CCDC141: variants seen among roughly 807,000 people sequenced by gnomAD.
The protein encoded by CCDC141 is coiled-coil domain-containing protein 141.
Under a neutral mutation model 181.0 loss-of-function variants are expected in CCDC141, and 168 were observed. The ratio of observed to expected loss-of-function variants is 0.93; its 90% CI spans 0.82 to 1.05. The LOEUF is 1.05. Among genes scored for constraint, CCDC141 ranks in the 50% least tolerant of loss-of-function variants. The pLI is 0.00. For missense variants in CCDC141, 1,902 were observed against 1,788.5 expected (o/e 1.06, Z -1.14); for synonymous variants, 666 against 642.3 (o/e 1.04, Z -0.56).
At chr2:179,030,444 A>G (rs1263564377) in intron 2 of CCDC141, among the ~76,000 whole-genome samples, 1 of 152,074 alleles carries the variant, frequency 6.6e-6, no homozygotes, top group Non-Finnish European at 1.5e-5. Flanking sequence ...ACCATAAAAA[A>G]TCCACTGAGC....
chr2:179,021,813 T>G (rs1470310424), intron 2 of CCDC141, among the ~76,000 whole-genome samples: 3 of 152,240 alleles, frequency 2.0e-5, no homozygotes, highest in Non-Finnish European at 4.4e-5. Flanking sequence ...AAATGCCAGC[T>G]ACAACTTAGT....
At chr2:178,923,168 G>A (rs1304184440) in intron 6 of CCDC141, among the ~76,000 whole-genome samples, 2 of 148,378 alleles carry the variant, frequency 1.3e-5, no homozygotes, top group African/African-American at 5.0e-5. Context: ...GCAGTGGCGG[G>A]ATCTCGGCTC....
chr2:178,983,523 C>T (rs571717929), intron 2 of CCDC141, among the ~76,000 whole-genome samples: 161 of 148,292 alleles, frequency 1.1e-3, no homozygotes, highest in African/African-American at 2.7e-3. Flanking sequence ...TTCTGAGCTA[C>T]GGGAGGACAT....
intron 7 of CCDC141, among the ~76,000 whole-genome samples, chr2:178,911,189 C>A (rs981241249): frequency 1.3e-5 from 2 of 152,144 alleles, no homozygotes; most frequent in Admixed American, 1.3e-4. Context: ...CAGCTACGTG[C>A]TGGGAATGTG....
intron 2 of CCDC141, among the ~76,000 whole-genome samples, chr2:179,045,260 G>C (rs1339030056): frequency 6.9e-6 from 1 of 144,970 alleles, no homozygotes; most frequent in Non-Finnish European, 1.5e-5. Context: ...AGAATATGTG[G>C]TGTTTGGTTT....
chr2:178,910,428 A>G (rs1688171356), intron 7 of CCDC141, among the ~76,000 whole-genome samples: 1 of 152,192 alleles, frequency 6.6e-6, no homozygotes, highest in African/African-American at 2.4e-5. Flanking sequence ...ATAACTATCA[A>G]AAACACAAAA....
chr2:178,983,345 T>TA (rs1691537989), intron 2 of CCDC141, among the ~76,000 whole-genome samples: 1 of 151,944 alleles, frequency 6.6e-6, no homozygotes, highest in African/African-American at 2.4e-5. Context: ...CAAAAGTAGA[T>TA]AAAACCACGA....
Position 178,837,741 on chromosome 2 carries a change from GCCCCTTGA to G in CCDC141, c.3475-5_3477del. ...CCCAAAAGATCTGCCACCTGCACCT[GCCCCTTGA>G]AAAAAGAAAAGCCAAATCATCCTTA... On this transcript the variant is annotated splice_acceptor_variant and splice_polypyrimidine_tract_variant and coding_sequence_variant and intron_variant, in exon 23 of 24. Coordinates refer to ENST00000443758, the MANE Select transcript of CCDC141 (RefSeq NM_173648.4). LOFTEE classifies it high-confidence loss of function. 6.3e-7 allele frequency: 1 copy of G among 1,587,538 alleles called. No homozygotes were observed. Among genetic ancestry groups the G allele is most frequent in the South Asian group, 1.1e-5 (1 of 87,000 alleles).
intron 4 of CCDC141, among the ~76,000 whole-genome samples, chr2:178,962,408 G>C (rs976104098): frequency 6.6e-6 from 1 of 152,144 alleles, no homozygotes; most frequent in Admixed American, 6.5e-5. Context: ...ATCAAGACCT[G>C]TTGATTTTAC....
chr2:178,884,189 TACA>T (rs770941489), intron 11 of CCDC141, among the ~76,000 whole-genome samples: 1 of 148,430 alleles, frequency 6.7e-6, no homozygotes, highest in East Asian at 2.0e-4. Context: ...TGATTTTTAA[TACA>T]ACAACTTATT....
chr2:178,839,581 C>CAAAAAAA (rs58096328), intron 22 of CCDC141, among the ~76,000 whole-genome samples: 1 of 59,520 alleles, frequency 1.7e-5, no homozygotes, highest in Non-Finnish European at 2.8e-5. Context: ...ACTTCGTCTC[C>CAAAAAAA]AAAAAAAAAA....
intron 6 of CCDC141, among the ~76,000 whole-genome samples, chr2:178,928,889 A>T (rs944595705): frequency 6.6e-6 from 1 of 152,204 alleles, no homozygotes; most frequent in Admixed American, 6.5e-5. Flanking sequence ...TTATGTGGAC[A>T]TTCCCAATGC....
intron 5 of CCDC141, among the ~76,000 whole-genome samples, chr2:178,945,676 G>C (rs1443631274): frequency 6.6e-6 from 1 of 152,086 alleles, no homozygotes; most frequent in East Asian, 1.9e-4. Flanking sequence ...AAAATAATGG[G>C]CATATAAATC....
chr2:178,930,373 A>G (rs962059502), intron 6 of CCDC141, among the ~76,000 whole-genome samples: 17 of 152,120 alleles, frequency 1.1e-4, no homozygotes, highest in Non-Finnish European at 1.9e-4. Context: ...TTAAGATGGC[A>G]ATACTCCCCA....
intron 21 of CCDC141, among the ~76,000 whole-genome samples, chr2:178,848,101 G>A (rs1434660611): frequency 6.6e-6 from 1 of 152,226 alleles, no homozygotes; most frequent in Admixed American, 6.5e-5. Context: ...AGATCAGGGA[G>A]GGAGTGATAT....
At chr2:179,023,275 T>C (rs917245952) in intron 2 of CCDC141, among the ~76,000 whole-genome samples, 1 of 152,176 alleles carries the variant, frequency 6.6e-6, no homozygotes, top group African/African-American at 2.4e-5. Flanking sequence ...ACATCCACCT[T>C]CTGAGGTAGG....
At chr2:178,845,252 T>A (rs557546128) in intron 22 of CCDC141, among the ~76,000 whole-genome samples, 2 of 152,060 alleles carry the variant, frequency 1.3e-5, no homozygotes, top group Non-Finnish European at 2.9e-5. Context: ...CTTGGCAATA[T>A]GATAAAAAGG....
intron 5 of CCDC141, among the ~76,000 whole-genome samples, chr2:178,949,315 C>G (rs1054464037): frequency 1.3e-5 from 2 of 152,152 alleles, no homozygotes; most frequent in Admixed American, 6.5e-5. Flanking sequence ...CAGGTTACAA[C>G]ATAATTTCAA....
In CCDC141 at chr2:178,986,827, C is replaced by G. The variant is rs1047507939; in HGVS notation, c.226-8152G>C. Among the ~76,000 whole-genome samples, 3 of 151,418 alleles carry G rather than the reference C, an allele frequency of 2.0e-5. 1 individual carries two copies. The highest frequency in any genetic ancestry group is 4.4e-5 in the Non-Finnish European group (3 of 67,730). Reference sequence around the variant, plus strand: ...TCAAGGAAATAAAAGAGGATACAAACAAATGGAAGAACATTCCATGCTCAT... The same window carrying G: ...TCAAGGAAATAAAAGAGGATACAAAGAAATGGAAGAACATTCCATGCTCAT... On this transcript the variant is annotated intron_variant, in intron 2 of 23. Transcript: ENST00000443758.
Sources: allele counts gnomAD v4.1 joint callset (sites outside exome capture counted in the v4.1 genomes callset), GRCh38; gene constraint gnomAD v4.1.1; transcripts MANE v1.5; gene names NCBI Gene and HGNC (gene_info 2026-07-23, HGNC 2026-07-21).